Variants in LUZP1 observed in about 807,000 individuals in gnomAD.
The protein encoded by LUZP1 is leucine zipper protein 1, also known as filamin mechanobinding actin cross-linking protein.
LUZP1 carries 25 observed loss-of-function variants against 71.3 expected under a neutral mutation model. That is an observed-to-expected ratio of 0.35 (90% CI 0.26 to 0.49). The LOEUF is 0.49. Ranked by LOEUF, LUZP1 falls within the 20% of genes least tolerant of loss-of-function variation. The probability of loss-of-function intolerance (pLI) is 0.99; values close to 1 mark genes in which losing one functional copy is unlikely to be tolerated. For missense variants in LUZP1, 1,142 were observed against 1,300.8 expected (o/e 0.88, Z 1.88); for synonymous variants, 481 against 506.4 (o/e 0.95, Z 0.67).
intron 3 of LUZP1, among the ~76,000 whole-genome samples, chr1:23,095,408 G>C (rs1017178702): frequency 6.6e-6 from 1 of 152,184 alleles, no homozygotes; most frequent in African/African-American, 2.4e-5. Context: ...AAAATGTATA[G>C]TTGATCACAT....
At chr1:23,170,780 T>C (rs1000011534) in intron 1 of LUZP1, among the ~76,000 whole-genome samples, 3 of 152,072 alleles carry the variant, frequency 2.0e-5, no homozygotes, top group Non-Finnish European at 2.9e-5. Flanking sequence ...GTCATTCTTA[T>C]TTTCAGTAGT....
intron 2 of LUZP1, among the ~76,000 whole-genome samples, chr1:23,119,501 C>A (rs1644113870): frequency 6.6e-6 from 1 of 152,046 alleles, no homozygotes; most frequent in Non-Finnish European, 1.5e-5. Context: ...TTTCTCCAGG[C>A]CTCATTAAGA....
chr1:23,164,210 C>T (rs1269896924), intron 2 of LUZP1, among the ~76,000 whole-genome samples: 1 of 152,048 alleles, frequency 6.6e-6, no homozygotes, highest in Non-Finnish European at 1.5e-5. Flanking sequence ...ATAAAATAGT[C>T]ACCGGCTGGG....
exon 1 of LUZP1, chr1:23,177,641 G>A (rs1644590740): frequency 6.6e-6 from 1 of 152,302 alleles, no homozygotes; most frequent in South Asian, 2.1e-4. Flanking sequence ...CTGCGCCAGT[G>A]AGCCATGAAT....
intron 3 of LUZP1, among the ~76,000 whole-genome samples, chr1:23,107,147 T>C (rs530675147): frequency 2.0e-5 from 3 of 152,178 alleles, no homozygotes; most frequent in Non-Finnish European, 4.4e-5. Flanking sequence ...CTAGCTGGAC[T>C]CCTCACTTCT....
chr1:23,116,757 G>A (rs898404584), intron 2 of LUZP1, among the ~76,000 whole-genome samples: 4 of 152,118 alleles, frequency 2.6e-5, no homozygotes, highest in African/African-American at 4.8e-5. Context: ...TCACATGTAC[G>A]AGCTGCAAGT....
At chr1:23,136,341 C>G (rs912538517) in intron 2 of LUZP1, among the ~76,000 whole-genome samples, 8 of 140,666 alleles carry the variant, frequency 5.7e-5, no homozygotes, top group African/African-American at 2.0e-4. Context: ...CACACACACA[C>G]AGAGGGTCCT....
At chr1:23,092,151 A>G (rs1643864018) in exon 4 of LUZP1, 1 of 1,614,050 alleles carries the variant, frequency 6.2e-7, no homozygotes, top group Admixed American at 1.7e-5. Flanking sequence ...ATTCTCAAAT[A>G]GGGAGGTTCT....
chr1:23,146,805 T>A (rs562498519), intron 2 of LUZP1, among the ~76,000 whole-genome samples: 1 of 150,456 alleles, frequency 6.6e-6, no homozygotes, highest in South Asian at 2.1e-4. Context: ...TCCAAAAAAA[T>A]AATAATAATA....
intron 2 of LUZP1, among the ~76,000 whole-genome samples, chr1:23,153,268 T>A (rs1160375411): frequency 6.6e-6 from 1 of 152,212 alleles, no homozygotes; most frequent in Admixed American, 6.5e-5. Context: ...CAATAATACG[T>A]CTAATCTCTA....
At chr1:23,101,583 A>G (rs549872013) in intron 3 of LUZP1, among the ~76,000 whole-genome samples, 1 of 152,340 alleles carries the variant, frequency 6.6e-6, no homozygotes, top group East Asian at 1.9e-4. Context: ...GAAAAGTCCT[A>G]TGCATACCTA....
chr1:23,147,029 G>A (rs188072194), intron 2 of LUZP1, among the ~76,000 whole-genome samples: 102 of 151,160 alleles, frequency 6.7e-4, no homozygotes, highest in African/African-American at 2.2e-3. Context: ...CCCGGGAGGC[G>A]GAGGTTGCAG....
Position 23,093,825 on chromosome 1 carries a change from T to C in LUZP1, c.437A>G (p.Asn146Ser). The C allele has an allele frequency of 6.2e-7, 1 of 1,614,096 alleles. No individual in the cohort carries two copies. Among genetic ancestry groups the C allele is most frequent in the South Asian group, 1.1e-5 (1 of 91,074 alleles). ...CTCAGAGGAGATTTTCTTGGTCAGA[T>C]TTCTCTCCTCATTCAGGCTCAGACA... Residue 146 changes from asparagine to serine, a missense_variant, in exon 4 of 5, where the codon AAT (asparagine) becomes AGT (serine). Transcript: ENST00000302291. This position sits in a 1 kb window ranked among gnomAD's most constrained non-coding sequence, Gnocchi z 4.2.
At chr1:23,131,954 G>T (rs1445836303) in intron 2 of LUZP1, among the ~76,000 whole-genome samples, 1 of 152,158 alleles carries the variant, frequency 6.6e-6, no homozygotes, top group African/African-American at 2.4e-5. Flanking sequence ...CCAAAGTGCT[G>T]GGATTACAAG....
At chr1:23,156,970 G>A (rs1644424925) in intron 2 of LUZP1, among the ~76,000 whole-genome samples, 1 of 152,190 alleles carries the variant, frequency 6.6e-6, no homozygotes, top group Admixed American at 6.5e-5. Flanking sequence ...CACGTAATAT[G>A]CTCTAAAGAC....
intron 2 of LUZP1, among the ~76,000 whole-genome samples, chr1:23,154,135 G>C (rs1644403772): frequency 6.6e-6 from 1 of 152,146 alleles, no homozygotes; most frequent in African/African-American, 2.4e-5. Flanking sequence ...AAAACGATAG[G>C]AATAGAAAAC....
At chr1:23,143,072 G>C (rs1225225160) in intron 2 of LUZP1, among the ~76,000 whole-genome samples, 1 of 151,828 alleles carries the variant, frequency 6.6e-6, no homozygotes, top group African/African-American at 2.4e-5. Flanking sequence ...GCAGTGGCAT[G>C]ATCTCCACTC....
At chr1:23,105,086 AAG>A (rs1385823689) in intron 3 of LUZP1, among the ~76,000 whole-genome samples, 1 of 152,234 alleles carries the variant, frequency 6.6e-6, no homozygotes, top group African/African-American at 2.4e-5. Flanking sequence ...GGGATTAAGT[AAG>A]AGAGTAACAC....
At chr1:23,117,476 TCCCCC>T (rs370868213) in intron 2 of LUZP1, among the ~76,000 whole-genome samples, 1 of 39,678 alleles carries the variant, frequency 2.5e-5, no homozygotes, top group African/African-American at 1.5e-4. Flanking sequence ...TCTCTCTCTC[TCCCCC>T]CCCCCCCCCC....
Sources: gnomAD v4.1 joint callset for allele counts (sites outside exome capture counted in the v4.1 genomes callset) on GRCh38, gnomAD v4.1.1 for gene constraint, Gnocchi (gnomAD v3.1) non-coding constraint, MANE v1.5 for transcripts, NCBI Gene and HGNC (gene_info 2026-07-23, HGNC 2026-07-21) for gene names.